The following PLSCR4 variants were observed in gnomAD, a reference collection of about 807,000 sequenced individuals.
PLSCR4 encodes phospholipid scramblase 4, also known as Ca(2+)-dependent phospholipid scramblase 4.
Under a neutral mutation model 36.3 loss-of-function variants are expected in PLSCR4, and 25 were observed. The ratio of observed to expected loss-of-function variants is 0.69; its 90% CI spans 0.50 to 0.96. The LOEUF is 0.96. PLSCR4 is among the 40% of genes least tolerant of loss of function. The pLI, the probability that PLSCR4 is intolerant of heterozygous loss-of-function variation, is 0.00. For synonymous variants in PLSCR4, 122 were observed against 132.9 expected (o/e 0.92, Z 0.56); for missense variants, 408 against 414.7 (o/e 0.98, Z 0.14).
chr3:146,231,870 C>T (rs2035730148), intron 1 of PLSCR4, among the ~76,000 whole-genome samples: 1 of 151,994 alleles, frequency 6.6e-6, no homozygotes, highest in Non-Finnish European at 1.5e-5. Context: ...TTAGGTGCCA[C>T]TTGTCTATTT....
At chr3:146,240,468 G>A (rs1216064226) in intron 1 of PLSCR4, among the ~76,000 whole-genome samples, 4 of 151,110 alleles carry the variant, frequency 2.6e-5, no homozygotes, top group Non-Finnish European at 4.4e-5. Context: ...AGCTGAGCAA[G>A]GTGGCATGTA....
intron 1 of PLSCR4, among the ~76,000 whole-genome samples, chr3:146,235,737 T>A (rs2035888346): frequency 6.6e-6 from 1 of 152,168 alleles, no homozygotes; most frequent in Non-Finnish European, 1.5e-5. Context: ...TAAATTGTTG[T>A]GACCAAATTG....
intron 1 of PLSCR4, among the ~76,000 whole-genome samples, chr3:146,224,028 G>A (rs1047297973): frequency 6.6e-6 from 1 of 150,978 alleles, no homozygotes; most frequent in African/African-American, 2.4e-5. Context: ...CCAGTAAAAG[G>A]AGTTCAAGGG....
chr3:146,246,201 C>CAT (rs2036333201), intron 1 of PLSCR4, among the ~76,000 whole-genome samples: 1 of 152,166 alleles, frequency 6.6e-6, no homozygotes, highest in Admixed American at 6.5e-5. Context: ...TACATGTTAA[C>CAT]ATATATGTAT....
intron 1 of PLSCR4, among the ~76,000 whole-genome samples, chr3:146,232,591 T>G (rs934560048): frequency 3.3e-5 from 5 of 152,338 alleles, no homozygotes; most frequent in African/African-American, 9.6e-5. Context: ...TATTTTGTTC[T>G]TTTTGTAGCT....
intron 3 of PLSCR4, among the ~76,000 whole-genome samples, chr3:146,212,399 T>TTGTGCTG (rs200329606): frequency 0.014 from 2,192 of 151,770 alleles, 59 homozygotes; most frequent in African/African-American, 0.051. Flanking sequence ...AACTTGTTTA[T>TTGTGCTG]TGTGCTGTTT....
At position 146,196,758 on chromosome 3, in the gene PLSCR4, G is replaced by A; in HGVS notation, c.660C>T (p.Gly220=). The part of the protein sequence containing the change: ...EVQCPPGVTI[G]FVAEHWNLCR... ...ACAGGTTCCAATGTTCCGCAACAAA[G>A]CCAATGGTGACACCAGGAGGACACT... The change falls in exon 7 of 9, where the codon GGC becomes GGT. Residue 220 remains glycine (G), a synonymous_variant. Coordinates refer to ENST00000354952, the MANE Select transcript of PLSCR4 (RefSeq NM_020353.3). 2 of 1,613,858 alleles carry A rather than the reference G, an allele frequency of 1.2e-6. No individual in the cohort carries two copies. Among genetic ancestry groups the A allele is most frequent in the Non-Finnish European group, 1.7e-6 (2 of 1,179,882 alleles).
At chr3:146,237,058 A>G (rs79404142) in intron 1 of PLSCR4, among the ~76,000 whole-genome samples, 1 of 148,458 alleles carries the variant, frequency 6.7e-6, no homozygotes, top group Non-Finnish European at 1.5e-5. Context: ...AAGAAAAAAA[A>G]GAGAGAAAAC....
intron 4 of PLSCR4, among the ~76,000 whole-genome samples, chr3:146,204,799 G>T (rs1246313958): frequency 6.6e-6 from 1 of 152,006 alleles, no homozygotes; most frequent in Non-Finnish European, 1.5e-5. Context: ...ACCAAGTATA[G>T]AAATGAGACT....
At chr3:146,232,823 T>TA (rs545409757) in intron 1 of PLSCR4, among the ~76,000 whole-genome samples, 38 of 152,178 alleles carry the variant, frequency 2.5e-4, no homozygotes, top group Non-Finnish European at 5.0e-4. Context: ...TTGGAGTACA[T>TA]AGAGTCATGT....
At chr3:146,210,048 T>C (rs941710249) in intron 3 of PLSCR4, among the ~76,000 whole-genome samples, 3 of 152,128 alleles carry the variant, frequency 2.0e-5, no homozygotes, top group Non-Finnish European at 2.9e-5. Flanking sequence ...GTCCCTTATA[T>C]AAAATGGTGT....
intron 1 of PLSCR4, among the ~76,000 whole-genome samples, chr3:146,246,052 A>G (rs2036325100): frequency 6.6e-6 from 1 of 152,090 alleles, no homozygotes; most frequent in Non-Finnish European, 1.5e-5. Flanking sequence ...ACATCTTGTA[A>G]ACTTAGTAAG....
intron 1 of PLSCR4, among the ~76,000 whole-genome samples, chr3:146,236,369 G>A (rs1488074275): frequency 6.6e-6 from 1 of 152,140 alleles, no homozygotes; most frequent in African/African-American, 2.4e-5. Context: ...TGTACTAAGC[G>A]TATAAACAAA....
At chr3:146,195,064 T>C (rs536055196) in intron 8 of PLSCR4, 60 bp downstream of exon 8, 5 of 1,466,422 alleles carry the variant, frequency 3.4e-6, no homozygotes, top group East Asian at 4.5e-5. Context: ...TACTACACTA[T>C]ACTGCTTCTC....
intron 1 of PLSCR4, among the ~76,000 whole-genome samples, chr3:146,247,060 A>T (rs1333993981): frequency 6.6e-6 from 1 of 152,112 alleles, no homozygotes; most frequent in Non-Finnish European, 1.5e-5. Context: ...CTTTTCATTT[A>T]TTAAAATGTC....
chr3:146,233,092 CTTTT>C (rs955327714), intron 1 of PLSCR4, among the ~76,000 whole-genome samples: 4 of 151,924 alleles, frequency 2.6e-5, no homozygotes, highest in Non-Finnish European at 5.9e-5. Context: ...TCTTTAAAAG[CTTTT>C]TTATCATTAG....
chr3:146,220,928 T>A lies in PLSCR4; in HGVS notation c.8-3A>T. 1 of 1,576,374 alleles carries A rather than the reference T, an allele frequency of 6.3e-7. No individual in the cohort carries two copies. Among genetic ancestry groups the A allele is most frequent in the Non-Finnish European group, 8.7e-7 (1 of 1,148,876 alleles). On this transcript the variant is annotated splice_polypyrimidine_tract_variant and splice_region_variant and intron_variant, in intron 2 of 8. Coordinates refer to ENST00000354952, the MANE Select transcript of PLSCR4 (RefSeq NM_020353.3). ...TTCAGGGGCTGTGGGTACCACACCT[T>A]CAGGGGAAGACAGGGAACATGACTT...
intron 1 of PLSCR4, among the ~76,000 whole-genome samples, chr3:146,246,566 TA>T (rs57784573): frequency 0.053 from 8,120 of 152,172 alleles, 534 homozygotes; most frequent in African/African-American, 0.15. Flanking sequence ...GTCTCCTTTT[TA>T]GCTTTCAAAA....
At chr3:146,234,885 G>A (rs1483667161) in intron 1 of PLSCR4, among the ~76,000 whole-genome samples, 1 of 152,116 alleles carries the variant, frequency 6.6e-6, no homozygotes, top group Non-Finnish European at 1.5e-5. Flanking sequence ...ACACTAAAGA[G>A]ATCTAAATAT....
Sources: gnomAD v4.1 joint callset for allele counts (sites outside exome capture counted in the v4.1 genomes callset) on GRCh38, gnomAD v4.1.1 for gene constraint, MANE v1.5 for transcripts, NCBI Gene and HGNC (gene_info 2026-07-23, HGNC 2026-07-21) for gene names.